Variants in MAGI1 observed in about 807,000 individuals in gnomAD.
The protein encoded by MAGI1 is membrane associated guanylate kinase, WW and PDZ domain containing 1, also known as membrane-associated guanylate kinase, WW and PDZ domain-containing protein 1.
A neutral mutation model predicts 139.9 loss-of-function variants in MAGI1; 58 were observed. The observed-to-expected ratio is 0.41, with a 90% confidence interval of 0.34 to 0.52. The LOEUF is 0.52. Ranked by LOEUF, MAGI1 falls within the 20% of genes least tolerant of loss-of-function variation. MAGI1 has a pLI of 0.12. For missense variants in MAGI1, 1,874 were observed against 1,901.6 expected (o/e 0.99, Z 0.27); for synonymous variants, 812 against 737.9 (o/e 1.10, Z -1.63).
rs554695436 is a variant in MAGI1, at chr3:65,841,440, T to C, written c.313+196556A>G. Among the ~76,000 whole-genome samples the C allele has an allele frequency of 3.5e-3, 409 of 115,328 alleles. 1 individual carries two copies. Among genetic ancestry groups the C allele is most frequent in the African/African-American group, 0.011 (399 of 35,110 alleles). The allele number at this position is 115,328 out of a possible 152,430, so 75.7% of individuals were successfully genotyped here. ...TTTGTTTTGTTTTGCTTTTTGTTTTTGTTTTTGTTTTTGTTTTTTTTTTGA... is the reference window on the plus strand; with the variant it reads ...TTTGTTTTGTTTTGCTTTTTGTTTTCGTTTTTGTTTTTGTTTTTTTTTTGA... On this transcript the variant is annotated intron_variant, in intron 1 of 22. Transcript: ENST00000402939.
chr3:65,506,511 C>T (rs948899741), intron 2 of MAGI1, among the ~76,000 whole-genome samples: 3 of 152,106 alleles, frequency 2.0e-5, no homozygotes. Flanking sequence ...ATGAAATTTT[C>T]CATCCCTAAT....
At chr3:65,749,834 C>T (rs990041807) in intron 1 of MAGI1, among the ~76,000 whole-genome samples, 2 of 151,962 alleles carry the variant, frequency 1.3e-5, no homozygotes, top group Admixed American at 1.3e-4. Flanking sequence ...GTGGAGGCCT[C>T]AAGATATGTT....
rs140958485 is a variant in MAGI1, at chr3:65,490,915, T to C, written c.550+2597A>G. On this transcript the variant is annotated intron_variant, in intron 3 of 22. Transcript: ENST00000402939. ...TATGGTAAGGAAATTTCGCTGCTAA[T>C]AGGCCAAAGGCTGAAGAACGCTGTA... Among the ~76,000 whole-genome samples the C allele has an allele frequency of 2.1e-5, 3 of 145,980 alleles. No homozygotes were observed. In the East Asian group the frequency reaches 6.2e-4, roughly 30 times the overall value.
At chr3:65,827,649 G>A (rs1309005519) in intron 1 of MAGI1, among the ~76,000 whole-genome samples, 2 of 151,996 alleles carry the variant, frequency 1.3e-5, no homozygotes, top group African/African-American at 4.8e-5. Flanking sequence ...AACACAGATG[G>A]GTCAGACGCA....
chr3:65,812,947 G>A (rs1575586875), intron 1 of MAGI1, among the ~76,000 whole-genome samples: 1 of 151,186 alleles, frequency 6.6e-6, no homozygotes, highest in Non-Finnish European at 1.5e-5. Context: ...CTGACCTCAG[G>A]TGATCCGACC....
At chr3:65,375,608 A>T in intron 18 of MAGI1, 137 bp downstream of exon 18, 1 of 723,446 alleles carries the variant, frequency 1.4e-6, no homozygotes, top group Non-Finnish European at 2.3e-6. Flanking sequence ...TTAGTTAGGG[A>T]TGAATAAAGC....
At chr3:65,713,665 C>T (rs2031814597) in intron 1 of MAGI1, among the ~76,000 whole-genome samples, 1 of 152,140 alleles carries the variant, frequency 6.6e-6, no homozygotes, top group Non-Finnish European at 1.5e-5. Context: ...GTCCTGGCTC[C>T]ATTACTCAGG....
intron 1 of MAGI1, among the ~76,000 whole-genome samples, chr3:65,921,079 C>T (rs749634335): frequency 2.0e-5 from 3 of 151,538 alleles, no homozygotes; most frequent in African/African-American, 4.8e-5. Flanking sequence ...TTACAATTGA[C>T]GCTACTGCCA....
chr3:65,566,896 C>T (rs534886160), intron 2 of MAGI1, among the ~76,000 whole-genome samples: 3 of 151,986 alleles, frequency 2.0e-5, no homozygotes, highest in Admixed American at 6.6e-5. Context: ...AGCATCCGGC[C>T]GTCTTTAGAT....
chr3:65,433,627 G>A (rs909533274), intron 10 of MAGI1, among the ~76,000 whole-genome samples: 3 of 151,998 alleles, frequency 2.0e-5, no homozygotes, highest in African/African-American at 7.2e-5. Context: ...AGTCACCAGC[G>A]GTAAGACTTG....
Position 65,688,010 on chromosome 3 carries a change from G to A in MAGI1, c.314-65922C>T, listed in dbSNP as rs538389544. 3.6e-4 allele frequency: 302 copies of A among 832,038 alleles called. 1 individual carries two copies. Among genetic ancestry groups the A allele is most frequent in the Admixed American group, 5.5e-4 (31 of 56,462 alleles). The allele number at this position is 832,038 out of a possible 1,614,324, so 51.5% of individuals were successfully genotyped here. A position where few individuals can be genotyped will look rare whatever the true frequency, so the allele number is the denominator to read the frequency against. ...AGGACTTGAGGGTTTCGTTTTCCTG[G>A]CTTTGAGCCCCTCACACCCTGGATC... On this transcript the variant is annotated intron_variant, in intron 1 of 22. Coordinates refer to ENST00000402939, the MANE Select transcript of MAGI1 (RefSeq NM_001033057.2).
At chr3:65,386,924 A>G (rs1174332837) in intron 14 of MAGI1, among the ~76,000 whole-genome samples, 1 of 152,168 alleles carries the variant, frequency 6.6e-6, no homozygotes, top group Non-Finnish European at 1.5e-5. Flanking sequence ...CTACAGACAA[A>G]CTAACACATT....
At chr3:65,874,434 T>A (rs2060042377) in intron 1 of MAGI1, 2 of 152,156 alleles carry the variant, frequency 1.3e-5, no homozygotes. Context: ...AAAAGACATA[T>A]AACACTATTT....
chr3:65,363,931 G>C (rs186332086), intron 20 of MAGI1, among the ~76,000 whole-genome samples: 61 of 152,202 alleles, frequency 4.0e-4, no homozygotes, highest in African/African-American at 1.5e-3. Flanking sequence ...CAGCCTCCCT[G>C]ACCTGTGTCC....
intron 12 of MAGI1, among the ~76,000 whole-genome samples, chr3:65,408,164 T>C (rs776279391): frequency 1.3e-4 from 20 of 152,204 alleles, no homozygotes; most frequent in Non-Finnish European, 2.2e-4. Flanking sequence ...TCCAAGTATA[T>C]GGCTATAGCA....
chr3:65,492,378 G>A (rs1411516125), intron 3 of MAGI1, among the ~76,000 whole-genome samples: 4 of 152,248 alleles, frequency 2.6e-5, no homozygotes, highest in African/African-American at 7.2e-5. Context: ...ATACATCCAT[G>A]TCATTCGACT....
intron 3 of MAGI1, among the ~76,000 whole-genome samples, chr3:65,493,105 A>G (rs1390870404): frequency 1.3e-5 from 2 of 150,210 alleles, no homozygotes; most frequent in African/African-American, 2.4e-5. Context: ...AGTTTGCTTT[A>G]TGAATCACAT....
chr3:65,864,097 G>GA (rs200307497), intron 1 of MAGI1, among the ~76,000 whole-genome samples: 2 of 151,830 alleles, frequency 1.3e-5, no homozygotes, highest in Admixed American at 6.6e-5. Context: ...GAAACAAAAT[G>GA]AAAAAAACGT....
At chr3:65,675,633 G>A (rs954929020) in intron 1 of MAGI1, among the ~76,000 whole-genome samples, 3 of 152,064 alleles carry the variant, frequency 2.0e-5, no homozygotes, top group African/African-American at 7.2e-5. Flanking sequence ...AAAAATTCAA[G>A]GAGCCATCTA....
Sources: gnomAD v4.1 joint callset for allele counts (sites outside exome capture counted in the v4.1 genomes callset) on GRCh38, gnomAD v4.1.1 for gene constraint, MANE v1.5 for transcripts, NCBI Gene and HGNC (gene_info 2026-07-23, HGNC 2026-07-21) for gene names.